Variants in ITGAM observed in about 807,000 individuals in gnomAD.
ITGAM encodes the protein integrin subunit alpha M.
In ITGAM, 79 loss-of-function variants were observed where a neutral mutation model predicts 137.5. The ratio of observed to expected loss-of-function variants is 0.57; its 90% CI spans 0.48 to 0.69. ITGAM has a LOEUF of 0.69. Among genes scored for constraint, ITGAM ranks in the 30% least tolerant of loss-of-function variants. The pLI, the probability that ITGAM is intolerant of heterozygous loss-of-function variation, is 0.00. For missense variants in ITGAM, 1,343 were observed against 1,483.5 expected (o/e 0.91, Z 1.56); for synonymous variants, 583 against 592.3 (o/e 0.98, Z 0.23).
In ITGAM at chr16:31,266,065, G is replaced by A. The variant is rs2079763402; in HGVS notation, c.345G>A (p.Glu115=). The stretch of plus-strand genomic sequence containing the variant: ...CCACCGTGCACCAGACTTGCAGTGA[G>A]AACACGTATGTGAAAGGGCTCTGCT... ...CGPTVHQTCS[E]NTYVKGLCFL... The change falls in exon 5 of 30, where the codon GAG becomes GAA. Residue 115 remains glutamate (E), a synonymous_variant. Transcript: ENST00000544665. The A allele has an allele frequency of 3.1e-6, 5 of 1,613,954 alleles. No individual in the cohort carries two copies. Among genetic ancestry groups the A allele is most frequent in the Non-Finnish European group, 4.2e-6 (5 of 1,179,896 alleles).
At chr16:31,262,341 TTCCTTCCTTCCTTC>T in intron 2 of ITGAM, among the ~76,000 whole-genome samples, 1 of 14,486 alleles carries the variant, frequency 6.9e-5, no homozygotes, top group Non-Finnish European at 1.7e-4. Flanking sequence ...CCTTCCATCC[TTCCTTCCTTCCTTC>T]CTTCCTTCCT....
In ITGAM at chr16:31,271,045, C is replaced by G. The variant is rs201527382; in HGVS notation, c.519C>G (p.Val173=). ...ACTTTCGGCGGATGAAGGAGTTTGT[C>G]TCAACTGTGATGGAGCAATTAAAAA... ...PHDFRRMKEF[V]STVMEQLKKS... The change falls in exon 6 of 30, where the codon GTC becomes GTG. Residue 173 remains valine (V), a synonymous_variant. Transcript: ENST00000544665. 4.7e-5 allele frequency: 74 copies of G among 1,581,750 alleles called. 1 individual carries two copies. In the Middle Eastern group the frequency reaches 3.4e-3, roughly 72 times the overall value.
At chr16:31,275,417 T>C in intron 8 of ITGAM, 132 bp from the exon 9 acceptor site, 1 of 954,590 alleles carries the variant, frequency 1.0e-6, no homozygotes, top group Non-Finnish European at 1.6e-6. Flanking sequence ...CTGGCAACCC[T>C]GTCCCAGGGA....
chr16:31,302,443 CT>C (rs1280086665), intron 14 of ITGAM, among the ~76,000 whole-genome samples: 2 of 96,000 alleles, frequency 2.1e-5, no homozygotes, highest in African/African-American at 1.1e-4. Context: ...TTCTTTCTTT[CT>C]TTCTTTCTTC....
intron 14 of ITGAM, among the ~76,000 whole-genome samples, chr16:31,312,972 C>T (rs1163726925): frequency 1.3e-5 from 2 of 151,368 alleles, no homozygotes; most frequent in Admixed American, 1.3e-4. Context: ...GTAATCCCAG[C>T]ACTTTGGGAG....
chr16:31,261,846 C>A, intron 2 of ITGAM, 49 bp downstream of exon 2: 2 of 1,156,262 alleles, frequency 1.7e-6, no homozygotes, highest in Non-Finnish European at 2.5e-6. Flanking sequence ...CTCTCCAAGA[C>A]TTACATACCT....
chr16:31,310,383 T>C (rs2080313504), intron 14 of ITGAM, among the ~76,000 whole-genome samples: 2 of 152,156 alleles, frequency 1.3e-5, no homozygotes, highest in South Asian at 4.1e-4. Flanking sequence ...TCTTGGAGGC[T>C]TTGTTCATTT....
At position 31,330,166 on chromosome 16, in the gene ITGAM, TGAG is replaced by T; in HGVS notation, c.3060+3_3060+5del. The T allele has an allele frequency of 6.2e-7, 1 of 1,612,588 alleles. No individual in the cohort carries two copies. The highest frequency in any genetic ancestry group is 8.5e-7 in the Non-Finnish European group (1 of 1,179,230). ...GAGCTTCGGAAGGCCCCCGTGGTGG[TGAG>T]AAGCTAAGTCAGCCCCAGGGCCACA... On this transcript the variant is annotated splice_donor_5th_base_variant and intron_variant, in intron 26 of 29. Transcript: ENST00000544665.
chr16:31,287,121 C>T (rs1220603047), intron 12 of ITGAM, among the ~76,000 whole-genome samples: 1 of 152,198 alleles, frequency 6.6e-6, no homozygotes, highest in Non-Finnish European at 1.5e-5. Flanking sequence ...TATCTCCACA[C>T]TCTTTATTGA....
chr16:31,301,724 G>A (rs2080199228), intron 14 of ITGAM, among the ~76,000 whole-genome samples: 2 of 152,076 alleles, frequency 1.3e-5, no homozygotes, highest in Non-Finnish European at 2.9e-5. Flanking sequence ...TAATTTACCA[G>A]TTCTATATCA....
At chr16:31,284,951 C>T (rs1226906288) in intron 12 of ITGAM, among the ~76,000 whole-genome samples, 1 of 152,044 alleles carries the variant, frequency 6.6e-6, no homozygotes, top group Non-Finnish European at 1.5e-5. Context: ...GCATACAAAA[C>T]CCCTCAGACA....
At chr16:31,311,268 G>A (rs2080327280) in intron 14 of ITGAM, among the ~76,000 whole-genome samples, 1 of 152,160 alleles carries the variant, frequency 6.6e-6, no homozygotes, top group Non-Finnish European at 1.5e-5. Context: ...GGCAACAAAA[G>A]CCAAAATTGA....
intron 23 of ITGAM, chr16:31,328,885 A>G (rs544748817): frequency 3.4e-5 from 13 of 383,766 alleles, no homozygotes; most frequent in Non-Finnish European, 5.6e-5. Context: ...TGTGTGCATG[A>G]GTGTGTATTC....
rs1014112167 is a variant in ITGAM, at chr16:31,305,924, CT to C, written c.1707+7978del. ...ATCAGGGATATTGTTCTGTAGTTTTCTTTTTTTTGTTATATCCTTTTCTGGT... is the reference window on the plus strand; with the variant it reads ...ATCAGGGATATTGTTCTGTAGTTTTCTTTTTTTGTTATATCCTTTTCTGGT... On this transcript the variant is annotated intron_variant, in intron 14 of 29. Transcript: ENST00000544665. 6.6e-5 allele frequency among the ~76,000 whole-genome samples: 10 copies of C among 151,766 alleles called. No individual in the cohort carries two copies. The South Asian group carries it at 1.9e-3, about 28-fold the overall frequency.
intron 12 of ITGAM, among the ~76,000 whole-genome samples, chr16:31,288,816 C>G (rs1011140374): frequency 9.9e-5 from 15 of 152,146 alleles, no homozygotes; most frequent in Non-Finnish European, 2.9e-5. Context: ...TCAGAGTGAA[C>G]AGGCAACCTA....
intron 12 of ITGAM, among the ~76,000 whole-genome samples, chr16:31,291,022 G>A (rs1054332950): frequency 3.9e-5 from 6 of 151,972 alleles, no homozygotes; most frequent in Admixed American, 2.6e-4. Context: ...AATCATGTAC[G>A]GTAACTTTAT....
At chr16:31,261,616 C>A in intron 1 of ITGAM, 76 bp from the exon 2 acceptor site, 1 of 908,444 alleles carries the variant, frequency 1.1e-6, no homozygotes, top group Non-Finnish European at 1.8e-6. Flanking sequence ...CCTCAGCCCT[C>A]CAAAGTGCTA....
chr16:31,266,778 A>T (rs1286750391), intron 5 of ITGAM, among the ~76,000 whole-genome samples: 2 of 152,032 alleles, frequency 1.3e-5, no homozygotes, highest in East Asian at 3.9e-4. Context: ...AGAGGTGGGA[A>T]TCTTGGGGAC....
intron 19 of ITGAM, 79 bp from the exon 20 acceptor site, chr16:31,325,184 C>A: frequency 6.5e-7 from 1 of 1,528,570 alleles, no homozygotes. Context: ...CAAGTGTCTG[C>A]GTCTCTGTTC....
Sources: allele counts gnomAD v4.1 joint callset (sites outside exome capture counted in the v4.1 genomes callset), GRCh38; gene constraint gnomAD v4.1.1; transcripts MANE v1.5; gene names NCBI Gene and HGNC (gene_info 2026-07-23, HGNC 2026-07-21).